The following GNG4 variants were observed in gnomAD, a reference collection of about 807,000 sequenced individuals.
GNG4 encodes guanine nucleotide-binding protein G(I)/G(S)/G(O) subunit gamma-4.
Under a neutral mutation model 5.8 loss-of-function variants are expected in GNG4, and 4 were observed. The observed-to-expected ratio is 0.69, with a 90% CI of 0.34 to 1.57. The LOEUF is 1.57. GNG4 is among the 40% of genes most tolerant of loss of function. GNG4 has a pLI of 0.06. For synonymous variants in GNG4, 29 were observed against 32.9 expected, an observed-to-expected ratio of 0.88 and a Z score of 0.41; for missense variants, 96 against 95.1, an observed-to-expected ratio of 1.01 and a Z score of -0.04.
intron 3 of GNG4, among the ~76,000 whole-genome samples, chr1:235,564,764 C>A (rs1687151399): frequency 6.6e-6 from 1 of 152,204 alleles, no homozygotes; most frequent in Non-Finnish European, 1.5e-5. Context: ...CAGCTCACTG[C>A]AACCTCTGCC....
intron 1 of GNG4, among the ~76,000 whole-genome samples, chr1:235,623,625 CT>C (rs1300495357): frequency 6.6e-6 from 1 of 152,222 alleles, no homozygotes; most frequent in Non-Finnish European, 1.5e-5. Context: ...CTCTTCCTTT[CT>C]TGTCTGGTGA....
At chr1:235,596,535 C>T (rs968432042) in intron 1 of GNG4, among the ~76,000 whole-genome samples, 8 of 152,110 alleles carry the variant, frequency 5.3e-5, no homozygotes, top group African/African-American at 1.9e-4. Flanking sequence ...AACAAAAAAA[C>T]ACCTATTATC....
At chr1:235,580,723 CATGGCGGCCT>C (rs1359160269) in intron 3 of GNG4, among the ~76,000 whole-genome samples, 1 of 145,818 alleles carries the variant, frequency 6.9e-6, no homozygotes, top group Non-Finnish European at 1.5e-5. Flanking sequence ...AGCACAGCAA[CATGGCGGCCT>C]ATCCCGTTTT....
chr1:235,581,330 C>A (rs2774331), intron 3 of GNG4, among the ~76,000 whole-genome samples: 106,375 of 151,726 alleles, frequency 0.7, 38,003 homozygotes, highest in East Asian at 0.87. Context: ...GAGATTGAGA[C>A]CATCCTCACC....
rs12036033 is a variant in GNG4 at position 235,571,309 on chromosome 1, T to C, written c.99+12431A>G. Among the ~76,000 whole-genome samples, 69 of 152,342 alleles carry C rather than the reference T, an allele frequency of 4.5e-4. No homozygotes were observed. The East Asian group carries it at 0.011, about 23-fold the overall frequency. Reference sequence around the variant, plus strand: ...TGGAGACACACTCCCTGGTTTCCTATCCCTGGGCTCTCATCACTTTTCAGC... The same window carrying C: ...TGGAGACACACTCCCTGGTTTCCTACCCCTGGGCTCTCATCACTTTTCAGC... On this transcript the variant is annotated intron_variant, in intron 3 of 3. Coordinates refer to ENST00000391854, the MANE Select transcript of GNG4 (RefSeq NM_001098722.2).
At chr1:235,564,691 T>C (rs1323778396) in intron 3 of GNG4, among the ~76,000 whole-genome samples, 2 of 152,156 alleles carry the variant, frequency 1.3e-5, no homozygotes, top group African/African-American at 4.8e-5. Flanking sequence ...ATCATAGTTA[T>C]TATTATTTTT....
intron 1 of GNG4, among the ~76,000 whole-genome samples, chr1:235,599,513 C>T (rs1688205734): frequency 6.6e-6 from 1 of 151,978 alleles, no homozygotes; most frequent in Admixed American, 6.6e-5. Flanking sequence ...GACGGGGTTT[C>T]ACCATGTTGG....
At chr1:235,554,784 G>A (rs148165543) in intron 3 of GNG4, among the ~76,000 whole-genome samples, 1 of 145,682 alleles carries the variant, frequency 6.9e-6, no homozygotes, top group East Asian at 2.1e-4. Flanking sequence ...GTTGGAAGTT[G>A]CAATGAGCTG....
intron 1 of GNG4, among the ~76,000 whole-genome samples, chr1:235,634,184 G>A (rs1217361589): frequency 6.6e-6 from 1 of 152,202 alleles, no homozygotes; most frequent in Non-Finnish European, 1.5e-5. Flanking sequence ...AAGCTTCCCA[G>A]TCAATGCCCT....
intron 1 of GNG4, among the ~76,000 whole-genome samples, chr1:235,609,356 C>A (rs1268823474): frequency 6.6e-6 from 1 of 152,130 alleles, no homozygotes; most frequent in African/African-American, 2.4e-5. Flanking sequence ...AACCATTTTA[C>A]ATTCTCATCA....
intron 1 of GNG4, among the ~76,000 whole-genome samples, chr1:235,633,062 G>A (rs1688965978): frequency 1.3e-5 from 2 of 152,162 alleles, no homozygotes; most frequent in South Asian, 4.1e-4. Flanking sequence ...GCCATGCATG[G>A]AAGAGAGTAT....
intron 2 of GNG4, among the ~76,000 whole-genome samples, chr1:235,594,905 G>A (rs963401132): frequency 2.0e-5 from 3 of 152,224 alleles, no homozygotes; most frequent in Non-Finnish European, 2.9e-5. Flanking sequence ...CGCCGAGAGC[G>A]AGCAAGGGCT....
At chr1:235,625,084 C>T (rs1688782293) in intron 1 of GNG4, among the ~76,000 whole-genome samples, 1 of 150,878 alleles carries the variant, frequency 6.6e-6, no homozygotes. Context: ...CCCAGCCTGG[C>T]AAAGGGGCTC....
intron 3 of GNG4, among the ~76,000 whole-genome samples, chr1:235,574,816 C>T (rs765576628): frequency 1.3e-5 from 2 of 151,986 alleles, no homozygotes; most frequent in Non-Finnish European, 2.9e-5. Flanking sequence ...TCTGTCACGA[C>T]ACAATCCTTT....
intron 1 of GNG4, among the ~76,000 whole-genome samples, chr1:235,618,276 A>G (rs545221156): frequency 5.3e-5 from 8 of 152,190 alleles, no homozygotes; most frequent in Non-Finnish European, 1.0e-4. Context: ...TGTGTAGGTT[A>G]CCGCTTCCTC....
rs976632441 is a variant in GNG4, at chr1:235,648,109, G to C, written c.-123+1553C>G. Among the ~76,000 whole-genome samples, 3 of 151,858 alleles carry C rather than the reference G, an allele frequency of 2.0e-5. No individual in the cohort carries two copies. In the South Asian group the frequency reaches 6.2e-4, roughly 32 times the overall value. On this transcript the variant is annotated intron_variant, in intron 1 of 3. Coordinates refer to ENST00000391854, the MANE Select transcript of GNG4 (RefSeq NM_001098722.2). This position sits in a 1 kb window ranked among gnomAD's most constrained non-coding sequence, Gnocchi z 5.0. ...CTGGGAATGGCCCCTTAGCTGTGCT[G>C]TTTCTGAGCCAGGCCTACATCCTCC... is the stretch of plus-strand genomic sequence containing the variant.
rs10716469 is a variant in GNG4 at position 235,630,277 on chromosome 1, CT to C, written c.-123+19384del. On this transcript the variant is annotated intron_variant, in intron 1 of 3. Coordinates refer to ENST00000391854, the MANE Select transcript of GNG4 (RefSeq NM_001098722.2). ...TTTCTTCAAGACATTCAAGAATTCT[CT>C]TGTGGGACTATTTCAGAAAGGTCCC... 6.4e-3 allele frequency among the ~76,000 whole-genome samples: 969 copies of C among 152,336 alleles called. 8 individuals are homozygous for C. The highest frequency in any genetic ancestry group is 0.02 in the African/African-American group (845 of 41,580).
At chr1:235,605,691 T>C (rs1274149871) in intron 1 of GNG4, among the ~76,000 whole-genome samples, 1 of 151,840 alleles carries the variant, frequency 6.6e-6, no homozygotes, top group Non-Finnish European at 1.5e-5. Flanking sequence ...GAGGGGGAGT[T>C]CCAGGCAGAA....
intron 1 of GNG4, among the ~76,000 whole-genome samples, chr1:235,637,390 C>A (rs1326111058): frequency 6.6e-6 from 1 of 151,580 alleles, no homozygotes; most frequent in Non-Finnish European, 1.5e-5. Context: ...CGGTGGCTCA[C>A]ACCTGTAATC....
Sources: allele counts gnomAD v4.1 joint callset (sites outside exome capture counted in the v4.1 genomes callset), GRCh38; gene constraint gnomAD v4.1.1; non-coding constraint Gnocchi (gnomAD v3.1); transcripts MANE v1.5; gene names NCBI Gene and HGNC (gene_info 2026-07-23, HGNC 2026-07-21).